ATXN10: variants seen among roughly 807,000 people sequenced by gnomAD.
ATXN10 encodes ataxin 10.
In ATXN10, 28 loss-of-function variants were observed where a neutral mutation model predicts 52.9. The ratio of observed to expected loss-of-function variants is 0.53; its 90% CI spans 0.39 to 0.73. ATXN10 has a LOEUF of 0.73. Among genes scored for constraint, ATXN10 ranks in the 30% least tolerant of loss-of-function variants. The pLI is 0.00. For missense variants in ATXN10, 565 were observed against 577.0 expected (o/e 0.98, Z 0.21); for synonymous variants, 226 against 221.5 (o/e 1.02, Z -0.18).
chr22:45,804,687 AT>A (rs1347505153), intron 9 of ATXN10, among the ~76,000 whole-genome samples: 1 of 152,230 alleles, frequency 6.6e-6, no homozygotes, highest in African/African-American at 2.4e-5. Context: ...ATTTCATTAG[AT>A]TAATTTGTAT....
chr22:45,702,992 T>A, intron 5 of ATXN10, 145 bp downstream of exon 5: 1 of 1,039,438 alleles, frequency 9.6e-7, no homozygotes, highest in South Asian at 1.4e-5. Context: ...TAGAGAAGAT[T>A]TTGAGCAGAA....
Position 45,842,984 on chromosome 22 carries a change from G to A in ATXN10, c.1238-7G>A. On this transcript the variant is annotated splice_polypyrimidine_tract_variant and splice_region_variant and intron_variant, in intron 10 of 11. Coordinates refer to ENST00000252934, the MANE Select transcript of ATXN10 (RefSeq NM_013236.4). The surrounding 1 kb of genome is among the most constrained non-coding windows in gnomAD (Gnocchi z 4.8). ...TACGTTGTCACATTCCTTCACTCTGGCTCCAGTTCTGACCCAGTGGGTGAT... is the reference window on the plus strand; with the variant it reads ...TACGTTGTCACATTCCTTCACTCTGACTCCAGTTCTGACCCAGTGGGTGAT... The A allele has an allele frequency of 6.2e-7, 1 of 1,613,918 alleles. No individual in the cohort carries two copies.
At chr22:45,697,831 C>T (rs985910949) in intron 3 of ATXN10, among the ~76,000 whole-genome samples, 22 of 151,976 alleles carry the variant, frequency 1.4e-4, no homozygotes, top group African/African-American at 4.6e-4. Context: ...GGGGTTTCAC[C>T]GTGTTAGCCA....
In ATXN10 at chr22:45,784,030, G is replaced by A. The variant is rs1332929837; in HGVS notation, c.1174-22929G>A. 6.6e-6 allele frequency among the ~76,000 whole-genome samples: 1 copy of A among 152,166 alleles called. No individual in the cohort carries two copies. The highest frequency in any genetic ancestry group is 1.5e-5 in the Non-Finnish European group (1 of 68,022). Reference sequence around the variant, plus strand: ...CCCTGTCCTACAGCAGGCCAGGTCTGTGTCACTGGCCCTCCCTCTCCCCTT... The same window carrying A: ...CCCTGTCCTACAGCAGGCCAGGTCTATGTCACTGGCCCTCCCTCTCCCCTT... On this transcript the variant is annotated intron_variant, in intron 9 of 11. Transcript: ENST00000252934. The surrounding 1 kb of genome is among the most constrained non-coding windows in gnomAD (Gnocchi z 4.2).
intron 10 of ATXN10, among the ~76,000 whole-genome samples, chr22:45,817,423 C>T (rs867749397): frequency 9.5e-5 from 14 of 147,008 alleles, no homozygotes; most frequent in African/African-American, 3.5e-4. Flanking sequence ...CTCCTGAGTT[C>T]AAGTGATTCT....
At chr22:45,831,616 T>C (rs780249951) in intron 10 of ATXN10, among the ~76,000 whole-genome samples, 3 of 152,202 alleles carry the variant, frequency 2.0e-5, no homozygotes, top group Non-Finnish European at 2.9e-5. Flanking sequence ...TGAAACAATA[T>C]TTTTATCTTC....
rs956775400 is a variant in ATXN10, at chr22:45,828,218, GA to G, written c.1238-14766del. 1.3e-4 allele frequency among the ~76,000 whole-genome samples: 19 copies of G among 150,342 alleles called. No homozygotes were observed. The highest frequency in any genetic ancestry group is 3.9e-4 in the African/African-American group (16 of 41,014). Reference sequence around the variant, plus strand: ...ACTTTAAAAAAGAAAAAAAAAAGAAGAAAAAAATATTTAGAGACAAATGAAA... The same window carrying G: ...ACTTTAAAAAAGAAAAAAAAAAGAAGAAAAAATATTTAGAGACAAATGAAA... On this transcript the variant is annotated intron_variant, in intron 10 of 11. Coordinates refer to ENST00000252934, the MANE Select transcript of ATXN10 (RefSeq NM_013236.4). The surrounding 1 kb of genome is among the most constrained non-coding windows in gnomAD (Gnocchi z 4.5).
chr22:45,842,779 A>T lies in ATXN10; in HGVS notation c.1238-212A>T, dbSNP rs539121283. On this transcript the variant is annotated intron_variant, in intron 10 of 11. Coordinates refer to ENST00000252934, the MANE Select transcript of ATXN10 (RefSeq NM_013236.4). The surrounding 1 kb of genome is among the most constrained non-coding windows in gnomAD (Gnocchi z 4.8). Reference sequence around the variant, plus strand: ...GCCCGTGGCTGGACATCACACACACATGCTGGATGTACATGTGCATATGCC... The same window carrying T: ...GCCCGTGGCTGGACATCACACACACTTGCTGGATGTACATGTGCATATGCC... 6.6e-6 allele frequency among the ~76,000 whole-genome samples: 1 copy of T among 152,348 alleles called. No homozygotes were observed. Among genetic ancestry groups the T allele is most frequent in the Non-Finnish European group, 1.5e-5 (1 of 68,028 alleles).
At chr22:45,815,014 C>CTGCT (rs1435416355) in intron 10 of ATXN10, among the ~76,000 whole-genome samples, 1 of 152,192 alleles carries the variant, frequency 6.6e-6, no homozygotes, top group Non-Finnish European at 1.5e-5. Context: ...AGGTTGGGGA[C>CTGCT]TGCTGCATTA....
rs1421623011 is a variant in ATXN10 at position 45,754,678 on chromosome 22, C to A, written c.1173+14140C>A. Among the ~76,000 whole-genome samples, 1 of 152,156 alleles carries A rather than the reference C, an allele frequency of 6.6e-6. No individual in the cohort carries two copies. The highest frequency in any genetic ancestry group is 6.5e-5 in the Admixed American group (1 of 15,274). On this transcript the variant is annotated intron_variant, in intron 9 of 11. Transcript: ENST00000252934. This position sits in a 1 kb window ranked among gnomAD's most constrained non-coding sequence, Gnocchi z 5.4. ...GACCAGTCTGACCAACATGGTGAAA[C>A]CCCGACTCTACTAAAAATACAAAAA...
rs543548580 is a variant in ATXN10 at position 45,710,327 on chromosome 22, G to A, written c.647+7480G>A. 9.2e-5 allele frequency among the ~76,000 whole-genome samples: 14 copies of A among 152,264 alleles called. No homozygotes were observed. The South Asian group carries it at 2.9e-3, about 32-fold the overall frequency. On this transcript the variant is annotated intron_variant, in intron 5 of 11. Transcript: ENST00000252934. ...CTTTACATCCGCTGTCTTTCTGCAT[G>A]GAACCTTCCTTTAGATCTTCCCATG...
chr22:45,698,010 C>G (rs146669911), intron 3 of ATXN10, among the ~76,000 whole-genome samples: 1 of 152,132 alleles, frequency 6.6e-6, no homozygotes, highest in Non-Finnish European at 1.5e-5. Context: ...AATAATACTC[C>G]GTTGTTTTGA....
chr22:45,758,789 G>A (rs1262762458), intron 9 of ATXN10, among the ~76,000 whole-genome samples: 1 of 152,224 alleles, frequency 6.6e-6, no homozygotes, highest in Non-Finnish European at 1.5e-5. Flanking sequence ...TTGATGCATA[G>A]CTTCATGTGA....
intron 9 of ATXN10, among the ~76,000 whole-genome samples, chr22:45,761,684 C>T (rs1926397246): frequency 1.3e-5 from 2 of 152,178 alleles, no homozygotes; most frequent in South Asian, 4.1e-4. Flanking sequence ...TCATACACTT[C>T]TTCCCAGTTT....
At position 45,757,491 on chromosome 22, in the gene ATXN10, A is replaced by G. The variant is rs1011167539; in HGVS notation, c.1173+16953A>G. 3.3e-5 allele frequency among the ~76,000 whole-genome samples: 5 copies of G among 152,164 alleles called. No individual in the cohort carries two copies. Among genetic ancestry groups the G allele is most frequent in the Non-Finnish European group, 5.9e-5 (4 of 68,010 alleles). On this transcript the variant is annotated intron_variant, in intron 9 of 11. Transcript: ENST00000252934. This position sits in a 1 kb window ranked among gnomAD's most constrained non-coding sequence, Gnocchi z 4.6. ...GTTCAAGGCCTCTGGAGAATGTTCC[A>G]AAGGGAGGTGTGGATGTTTCATTCA...
intron 3 of ATXN10, among the ~76,000 whole-genome samples, chr22:45,698,892 A>G (rs1923723918): frequency 6.6e-6 from 1 of 152,210 alleles, no homozygotes; most frequent in Non-Finnish European, 1.5e-5. Context: ...TTCCTAACAA[A>G]GCGCCTGTAC....
chr22:45,698,386 T>C (rs927928610), intron 3 of ATXN10, among the ~76,000 whole-genome samples: 5 of 152,192 alleles, frequency 3.3e-5, no homozygotes, highest in Non-Finnish European at 7.3e-5. Context: ...AATGATCACG[T>C]ACTTATTGGC....
rs1923300533 is a variant in ATXN10 at position 45,689,826 on chromosome 22, T to C, written c.231T>C (p.Ser77=). The C allele has an allele frequency of 1.2e-6, 2 of 1,614,244 alleles. No individual in the cohort carries two copies. The highest frequency in any genetic ancestry group is 2.2e-5 in the East Asian group (1 of 44,888). ...DPSQVENLAS[S]LQLITECFRC... The stretch of plus-strand genomic sequence containing the variant: ...CCCAAGTGGAAAACCTGGCTTCCAG[T>C]CTGCAGTTAATAACAGAATGCTTCA... Residue 77 remains serine, a synonymous_variant, in exon 2 of 12, where the codon AGT becomes AGC. Coordinates refer to ENST00000252934, the MANE Select transcript of ATXN10 (RefSeq NM_013236.4).
At chr22:45,674,769 A>C (rs1339453412) in intron 1 of ATXN10, 2 of 152,184 alleles carry the variant, frequency 1.3e-5, no homozygotes, top group Non-Finnish European at 2.9e-5. Context: ...TAATTAAGAG[A>C]TTCTTCTCTT....
Sources: allele counts gnomAD v4.1 joint callset (sites outside exome capture counted in the v4.1 genomes callset), GRCh38; gene constraint gnomAD v4.1.1; non-coding constraint Gnocchi (gnomAD v3.1); transcripts MANE v1.5; gene names NCBI Gene and HGNC (gene_info 2026-07-23, HGNC 2026-07-21).